APLP2: variants seen among roughly 807,000 people sequenced by gnomAD.
The protein encoded by APLP2 is amyloid beta precursor like protein 2.
Under a neutral mutation model 89.9 loss-of-function variants are expected in APLP2, and 53 were observed. The observed-to-expected ratio is 0.59, with a 90% CI of 0.47 to 0.74. The LOEUF is 0.74. Among genes scored for constraint, APLP2 ranks in the 30% least tolerant of loss-of-function variants. APLP2 has a pLI of 0.00. For synonymous variants in APLP2, 372 were observed against 348.6 expected, an observed-to-expected ratio of 1.07 and a Z score of -0.75; for missense variants, 973 against 975.9, an observed-to-expected ratio of 1.00 and a Z score of 0.04.
intron 3 of APLP2, among the ~76,000 whole-genome samples, chr11:130,117,259 G>A (rs1417480048): frequency 6.6e-6 from 1 of 152,176 alleles, no homozygotes; most frequent in Non-Finnish European, 1.5e-5. Flanking sequence ...TTAATTTTAT[G>A]GTTTAGCATG....
chr11:130,091,844 A>T (rs1348828326), intron 1 of APLP2, among the ~76,000 whole-genome samples: 2 of 142,344 alleles, frequency 1.4e-5, no homozygotes, highest in African/African-American at 5.5e-5. Context: ...TCCCTCCCGG[A>T]CGGGGTGGCT....
rs530570727 is a variant in APLP2, at chr11:130,089,223, T to G, written c.105+19141T>G. ...CTGCTCCTGCCTTTGTTCATCATCTTTTGCCTGGATGAATGCAGTGGCTTC... is the reference window on the plus strand; with the variant it reads ...CTGCTCCTGCCTTTGTTCATCATCTGTTGCCTGGATGAATGCAGTGGCTTC... On this transcript the variant is annotated intron_variant, in intron 1 of 16. Coordinates refer to ENST00000338167, the MANE Select transcript of APLP2 (RefSeq NM_001142276.2). 3.3e-5 allele frequency among the ~76,000 whole-genome samples: 5 copies of G among 152,326 alleles called. No homozygotes were observed. The South Asian group carries it at 1.0e-3, about 32-fold the overall frequency.
At chr11:130,098,263 G>T (rs559889866) in intron 1 of APLP2, among the ~76,000 whole-genome samples, 4 of 152,110 alleles carry the variant, frequency 2.6e-5, no homozygotes, top group Non-Finnish European at 4.4e-5. Flanking sequence ...AAATTAGCCG[G>T]GTGTGGTGGC....
chr11:130,121,234 TG>T (rs1250543397), intron 4 of APLP2, among the ~76,000 whole-genome samples: 2 of 152,204 alleles, frequency 1.3e-5, no homozygotes, highest in Non-Finnish European at 1.5e-5. Context: ...GTAATTAGGC[TG>T]GCTCTGCTCT....
At chr11:130,079,692 A>AC (rs1942829387) in intron 1 of APLP2, among the ~76,000 whole-genome samples, 1 of 152,144 alleles carries the variant, frequency 6.6e-6, no homozygotes, top group South Asian at 2.1e-4. Context: ...GTGAATTGTG[A>AC]CAGTTCTATT....
chr11:130,081,376 G>A (rs866212835), intron 1 of APLP2, among the ~76,000 whole-genome samples: 1 of 152,254 alleles, frequency 6.6e-6, no homozygotes, highest in South Asian at 2.1e-4. Context: ...TAGGGATGTT[G>A]CCTACTAGCC....
chr11:130,070,079 C>A lies in APLP2; in HGVS notation c.102C>A (p.Ile34=). 2 of 1,468,698 alleles carry A rather than the reference C, an allele frequency of 1.4e-6. No homozygotes were observed. The highest frequency in any genetic ancestry group is 2.9e-5 in the East Asian group (1 of 34,094). The allele number at this position is 1,468,698 out of a possible 1,614,324, so 91.0% of individuals were successfully genotyped here. A position where few individuals can be genotyped will look rare whatever the true frequency, so the allele number is the denominator to read the frequency against. The part of the protein sequence containing the change: ...TAPALALAGY[I]EALAANAGTG... Reference sequence around the variant, plus strand: ...CTGCCTTGGCGCTGGCCGGCTACATCGAGGTGGGGACCGGGCGAACGCCGG... The same window carrying A: ...CTGCCTTGGCGCTGGCCGGCTACATAGAGGTGGGGACCGGGCGAACGCCGG... The change falls in exon 1 of 17, where the codon ATC becomes ATA. Residue 34 remains isoleucine (I), a synonymous_variant. Coordinates refer to ENST00000338167, the MANE Select transcript of APLP2 (RefSeq NM_001142276.2).
intron 1 of APLP2, among the ~76,000 whole-genome samples, chr11:130,092,130 G>A (rs376506094): frequency 1.8e-5 from 2 of 111,508 alleles, no homozygotes; most frequent in Non-Finnish European, 3.6e-5. Context: ...GATGGGCGGC[G>A]GGGCAGAGAC....
rs981203966 is a variant in APLP2 at position 130,121,847 on chromosome 11, C to G, written c.713+37C>G. On this transcript the variant is annotated intron_variant, in intron 5 of 16. Coordinates refer to ENST00000338167, the MANE Select transcript of APLP2 (RefSeq NM_001142276.2). ...ACTTTGAACTGTGAAGTCGTTTTGC[C>G]TTTTTGTTAGCCCTTCTGTAAAGAC... The G allele has an allele frequency of 2.5e-6, 4 of 1,591,166 alleles. No individual in the cohort carries two copies. In the African/African-American group the frequency reaches 4.0e-5, roughly 16 times the overall value.
intron 16 of APLP2, among the ~76,000 whole-genome samples, chr11:130,142,551 C>A (rs1488614128): frequency 2.6e-5 from 4 of 152,080 alleles, no homozygotes; most frequent in African/African-American, 7.2e-5. Context: ...CAGTAAGGAC[C>A]TTAATGAGCC....
At position 130,122,396 on chromosome 11, in the gene APLP2, G is replaced by A; in HGVS notation, c.805G>A (p.Glu269Lys). 2 of 1,614,166 alleles carry A rather than the reference G, an allele frequency of 1.2e-6. No individual in the cohort carries two copies. Among genetic ancestry groups the A allele is most frequent in the Non-Finnish European group, 1.7e-6 (2 of 1,180,030 alleles). ...EDEEEGEEVV[E>K]DRDYYYDTFK... ...TGAGGAAGAAGGGGAGGAAGTGGTGGAGGACCGAGATTACTACTATGACAC... is the reference window on the plus strand; with the variant it reads ...TGAGGAAGAAGGGGAGGAAGTGGTGAAGGACCGAGATTACTACTATGACAC... The change falls in exon 6 of 17, where the codon GAG becomes AAG. Residue 269 changes from glutamate to lysine, a missense_variant. Physicochemically the swap from Glu to Lys is moderately conservative, Grantham distance 56. Transcript: ENST00000338167.
At chr11:130,138,203 T>C (rs1951863931) in intron 13 of APLP2, among the ~76,000 whole-genome samples, 2 of 152,236 alleles carry the variant, frequency 1.3e-5, no homozygotes, top group Non-Finnish European at 2.9e-5. Context: ...TTGGCAGACT[T>C]CCTGTTGATG....
At chr11:130,085,618 T>A (rs1943989616) in intron 1 of APLP2, among the ~76,000 whole-genome samples, 1 of 152,230 alleles carries the variant, frequency 6.6e-6, no homozygotes. Context: ...TCATTTTAAC[T>A]GTTTTTAAGT....
At chr11:130,110,230 C>G (rs1264729229) in intron 2 of APLP2, among the ~76,000 whole-genome samples, 4 of 152,200 alleles carry the variant, frequency 2.6e-5, no homozygotes, top group Admixed American at 1.3e-4. Flanking sequence ...CAACAGCTAC[C>G]CTACAAGCAA....
At chr11:130,107,747 G>T (rs1028660896) in intron 1 of APLP2, among the ~76,000 whole-genome samples, 125 of 152,268 alleles carry the variant, frequency 8.2e-4, no homozygotes, top group Middle Eastern at 6.8e-3. Flanking sequence ...AAAAGAGCCC[G>T]CGTTGCCAAG....
intron 9 of APLP2, among the ~76,000 whole-genome samples, chr11:130,128,674 G>C (rs767514963): frequency 6.6e-6 from 1 of 152,178 alleles, no homozygotes; most frequent in Non-Finnish European, 1.5e-5. Flanking sequence ...AACTCCCATT[G>C]GTCAGTGGTC....
chr11:130,089,479 G>C (rs1302725170), intron 1 of APLP2, among the ~76,000 whole-genome samples: 1 of 152,148 alleles, frequency 6.6e-6, no homozygotes, highest in Non-Finnish European at 1.5e-5. Flanking sequence ...CTGTCTCCAT[G>C]TCCTCACCTC....
chr11:130,098,217 C>T (rs927725686), intron 1 of APLP2, among the ~76,000 whole-genome samples: 5 of 151,972 alleles, frequency 3.3e-5, no homozygotes, highest in Admixed American at 6.6e-5. Context: ...CCATCCTGGC[C>T]AACACGGTGA....
intron 7 of APLP2, 116 bp from the exon 8 acceptor site, chr11:130,126,584 C>T: frequency 8.0e-7 from 1 of 1,251,274 alleles, no homozygotes; most frequent in Non-Finnish European, 1.2e-6. Flanking sequence ...GCACCCTGCA[C>T]TTAGAGAATG....
Sources: allele counts gnomAD v4.1 joint callset (sites outside exome capture counted in the v4.1 genomes callset), GRCh38; gene constraint gnomAD v4.1.1; transcripts MANE v1.5; gene names NCBI Gene and HGNC (gene_info 2026-07-23, HGNC 2026-07-21).